The following OAS2 variants were observed in gnomAD, a reference collection of about 807,000 sequenced individuals.
OAS2 encodes the protein 2'-5'-oligoadenylate synthase 2.
OAS2 carries 67 observed loss-of-function variants against 71.3 expected under a neutral mutation model. That is an observed-to-expected ratio of 0.94 (90% CI 0.77 to 1.15). The LOEUF is 1.15. Among genes scored for constraint, OAS2 ranks in the 50% most tolerant of loss-of-function variants. The pLI is 0.00. For missense variants in OAS2, 789 were observed against 822.5 expected (o/e 0.96, Z 0.50); for synonymous variants, 327 against 321.8 (o/e 1.02, Z -0.17).
In OAS2 at chr12:112,995,475, G is replaced by A; in HGVS notation, c.627+1G>A. The A allele has an allele frequency of 1.2e-6, 2 of 1,610,788 alleles. No individual in the cohort carries two copies. The highest frequency in any genetic ancestry group is 3.4e-5 in the Admixed American group (2 of 59,186). On this transcript the variant is annotated splice_donor_variant, in intron 3 of 9. Transcript: ENST00000392583. LOFTEE classifies it high-confidence loss of function. ...CTTGATAAAGCACTGGCATCAACAG[G>A]TAATTTTCCAACTGTCTATATATGG...
chr12:113,001,710 C>A (rs1258165357), intron 5 of OAS2, among the ~76,000 whole-genome samples: 1 of 151,520 alleles, frequency 6.6e-6, no homozygotes, highest in Admixed American at 6.6e-5. Context: ...CCAACTCTAA[C>A]CCTCCTGCCT....
At position 113,005,217 on chromosome 12, in the gene OAS2, C is replaced by A. The variant is rs2044321165; in HGVS notation, c.1463C>A (p.Ala488Glu). ...VSFDVLPAFN[A>E]LGQLSSGSTP... is the part of the protein sequence containing the mutation. ...TTTGATGTGCTTCCTGCCTTTAATG[C>A]ACTGGGTAAGGCTCCCCAGACCTTA... The change falls in exon 7 of 10, where the codon GCA becomes GAA. Residue 488 changes from alanine to glutamate, a missense_variant. By Grantham distance (107) the Ala-to-Glu change is moderately radical (BLOSUM62 -1). Coordinates refer to ENST00000392583, the MANE Select transcript of OAS2 (RefSeq NM_002535.3). 2 of 1,613,284 alleles carry A rather than the reference C, an allele frequency of 1.2e-6. No individual in the cohort carries two copies. The highest frequency in any genetic ancestry group is 1.7e-6 in the Non-Finnish European group (2 of 1,179,506).
chr12:112,989,613 C>A (rs2044172717), intron 2 of OAS2, among the ~76,000 whole-genome samples: 1 of 152,178 alleles, frequency 6.6e-6, no homozygotes. Context: ...TATCATGCAG[C>A]TGAAAACTCC....
chr12:112,981,331 T>C (rs943363874), intron 1 of OAS2, among the ~76,000 whole-genome samples: 1 of 152,192 alleles, frequency 6.6e-6, no homozygotes, highest in African/African-American at 2.4e-5. Context: ...TGCTTTATTC[T>C]ATTAATTTTA....
At position 113,009,676 on chromosome 12, in the gene OAS2, A is replaced by G; in HGVS notation, c.*421A>G. On this transcript the variant is annotated 3_prime_UTR_variant, in exon 10 of 10. Transcript: ENST00000392583. ...TTTGCAATCCAAGCAGGAAGAAGGA[A>G]AAGATACCCAAAGGTCAAGAACACA... 1 of 989,806 alleles carries G rather than the reference A, an allele frequency of 1.0e-6. No individual in the cohort carries two copies. The highest frequency in any genetic ancestry group is 1.2e-6 in the Non-Finnish European group (1 of 833,094). The allele number at this position is 989,806 out of a possible 1,614,324, so 61.3% of individuals were successfully genotyped here. A position where few individuals can be genotyped will look rare whatever the true frequency, so the allele number is the denominator to read the frequency against.
chr12:113,005,024 C>T lies in OAS2; in HGVS notation c.1270C>T (p.Gln424Ter), dbSNP rs867102776. Residue 424 changes from glutamine (Q) to a stop codon, truncating the protein, a stop_gained, in exon 7 of 10, where the codon CAA (glutamine) becomes TAA (stop). Transcript: ENST00000392583. LOFTEE classifies it high-confidence loss of function. Reference protein sequence around the residue: ...FHNSLKSYTSQKNERHKIVKE... With the variant: ...FHNSLKSYTS ...TAACTCACTTAAAAGCTACACCTCCCAAAAAAACGAGCGGCACAAAATCGT... is the reference window on the plus strand; with the variant it reads ...TAACTCACTTAAAAGCTACACCTCCTAAAAAAACGAGCGGCACAAAATCGT... 1.2e-6 allele frequency: 2 copies of T among 1,614,060 alleles called. No homozygotes were observed. Among genetic ancestry groups the T allele is most frequent in the African/African-American group, 2.7e-5 (2 of 75,012 alleles).
At position 113,006,601 on chromosome 12, in the gene OAS2, G is replaced by T. The variant is rs1392403170; in HGVS notation, c.1656+1G>T. The T allele has an allele frequency of 6.3e-6, 10 of 1,594,802 alleles. No homozygotes were observed. Among genetic ancestry groups the T allele is most frequent in the African/African-American group, 1.3e-5 (1 of 74,578 alleles). On this transcript the variant is annotated splice_donor_variant, in intron 8 of 9. Transcript: ENST00000392583. LOFTEE classifies it high-confidence loss of function. ...CCTGGTGAAGCACTGGTACAAAGAG[G>T]TAAGGACAGTCTTTGTTCTGACCAT...
rs2044361159 is a variant in OAS2 at position 113,009,361 on chromosome 12, C to T, written c.*106C>T. 5 of 1,532,034 alleles carry T rather than the reference C, an allele frequency of 3.3e-6. No homozygotes were observed. 94.9% of individuals were successfully genotyped at this position (1,532,034 alleles called of 1,614,324 possible). ...AGACACAAATAAAGGAAACCCAGCTCACAGGAGCTTAAACAGCTGGTCAGC... is the reference window on the plus strand; with the variant it reads ...AGACACAAATAAAGGAAACCCAGCTTACAGGAGCTTAAACAGCTGGTCAGC... On this transcript the variant is annotated 3_prime_UTR_variant, in exon 10 of 10. Transcript: ENST00000392583.
At chr12:112,986,813 C>T (rs1287276553) in intron 1 of OAS2, among the ~76,000 whole-genome samples, 3 of 152,176 alleles carry the variant, frequency 2.0e-5, no homozygotes, top group Admixed American at 2.0e-4. Flanking sequence ...CAGTTCAATC[C>T]GTTTCTATTG....
In OAS2 at chr12:113,005,178, A is replaced by G. The variant is rs1361701414; in HGVS notation, c.1424A>G (p.Asn475Ser). 4 of 1,614,072 alleles carry G rather than the reference A, an allele frequency of 2.5e-6. No homozygotes were observed. Among genetic ancestry groups the G allele is most frequent in the South Asian group, 1.1e-5 (1 of 91,084 alleles). The change falls in exon 7 of 10, where the codon AAC becomes AGC. Residue 475 changes from asparagine (N) to serine (S), a missense_variant. Physicochemically the swap from Asn to Ser is conservative, Grantham distance 46 (BLOSUM62 1). Transcript: ENST00000392583. The part of the protein sequence containing the change: ...LSFSLKSKVL[N>S]ESVSFDVLPA... The stretch of plus-strand genomic sequence containing the variant: ...TTCTCTCTGAAATCCAAAGTCCTCA[A>G]CGAAAGTGTCAGCTTTGATGTGCTT...
rs56039362 is a variant in OAS2 at position 113,009,116 on chromosome 12, C to T, written c.1925C>T (p.Thr642Ile). ...GTGATCTTGGACCCAGCCGAACCCA[C>T]AGGTGACGTGGGTGGAGGGGACCGT... ...RPVILDPAEP[T>I]GDVGGGDRWC... Residue 642 changes from threonine (T) to isoleucine (I), a missense_variant, in exon 10 of 10, where the codon ACA becomes ATA. Physicochemically the swap from Thr to Ile is moderately conservative, Grantham distance 89. Coordinates refer to ENST00000392583, the MANE Select transcript of OAS2 (RefSeq NM_002535.3). The T allele has an allele frequency of 6.2e-7, 1 of 1,613,840 alleles. No homozygotes were observed. Among genetic ancestry groups the T allele is most frequent in the Non-Finnish European group, 8.5e-7 (1 of 1,179,966 alleles).
rs142361592 is a variant in OAS2 at position 112,997,208 on chromosome 12, C to T, written c.628-312C>T. On this transcript the variant is annotated intron_variant, in intron 3 of 9. Coordinates refer to ENST00000392583, the MANE Select transcript of OAS2 (RefSeq NM_002535.3). ...CCTGAACTACTGTATTTTTGCTTAT[C>T]GAGTTGCTCATTGACTTTTCAAGGC... is the stretch of plus-strand genomic sequence containing the variant. Among the ~76,000 whole-genome samples, 19 of 151,878 alleles carry T rather than the reference C, an allele frequency of 1.3e-4. No homozygotes were observed. The East Asian group carries it at 2.9e-3, about 23-fold the overall frequency.
At chr12:113,008,978 A>G (rs2044357577) in intron 9 of OAS2, 109 bp from the exon 10 acceptor site, 1 of 1,506,754 alleles carries the variant, frequency 6.6e-7, no homozygotes. Flanking sequence ...GCTGACATCT[A>G]AGCTGTAAGA....
At chr12:112,997,941 T>G (rs1423866429) in intron 4 of OAS2, among the ~76,000 whole-genome samples, 186 bp downstream of exon 4, 7 of 152,082 alleles carry the variant, frequency 4.6e-5, no homozygotes, top group Admixed American at 1.3e-4. Flanking sequence ...CTTTTCACAT[T>G]CCAAACCATA....
chr12:113,002,307 A>G (rs553153263), intron 5 of OAS2, among the ~76,000 whole-genome samples: 1 of 152,230 alleles, frequency 6.6e-6, no homozygotes, highest in Non-Finnish European at 1.5e-5. Flanking sequence ...ATCTCTAGAG[A>G]CTTAACCACG....
At chr12:112,988,158 G>C in intron 2 of OAS2, 1 of 982,662 alleles carries the variant, frequency 1.0e-6, no homozygotes, top group Non-Finnish European at 1.2e-6. Context: ...TGTCCTAAAA[G>C]TTCAGCCCAC....
chr12:112,999,811 C>T (rs1231136475), intron 5 of OAS2, among the ~76,000 whole-genome samples: 1 of 152,220 alleles, frequency 6.6e-6, no homozygotes, highest in African/African-American at 2.4e-5. Context: ...TCAGTAAACT[C>T]CTATGATCCC....
chr12:112,998,187 C>T, intron 4 of OAS2, 79 bp from the exon 5 acceptor site: 1 of 1,518,608 alleles, frequency 6.6e-7, no homozygotes, highest in Non-Finnish European at 8.9e-7. Context: ...GATTCCCACT[C>T]CAGGCCTCTT....
chr12:113,010,456 T>C lies in OAS2; in HGVS notation c.*1201T>C. On this transcript the variant is annotated 3_prime_UTR_variant, in exon 10 of 10. Coordinates refer to ENST00000392583, the MANE Select transcript of OAS2 (RefSeq NM_002535.3). The stretch of plus-strand genomic sequence containing the variant: ...TTCTCATCCAGAAGCCATAGAATCC[T>C]GAATAATAATTCTAAAAGAAACTTC... 6.2e-7 allele frequency: 1 copy of C among 1,613,830 alleles called. No individual in the cohort carries two copies. Among genetic ancestry groups the C allele is most frequent in the Non-Finnish European group, 8.5e-7 (1 of 1,179,882 alleles).
Sources: allele counts gnomAD v4.1 joint callset (sites outside exome capture counted in the v4.1 genomes callset), GRCh38; gene constraint gnomAD v4.1.1; transcripts MANE v1.5; gene names NCBI Gene and HGNC (gene_info 2026-07-23, HGNC 2026-07-21).